FSD1L: variants seen among roughly 807,000 people sequenced by gnomAD.
The protein encoded by FSD1L is fibronectin type III and SPRY domain containing 1 like, also known as FSD1-like protein.
Under a neutral mutation model 71.6 loss-of-function variants are expected in FSD1L, and 45 were observed. The observed-to-expected ratio is 0.63, with a 90% confidence interval of 0.49 to 0.81. The LOEUF is 0.81. Among genes scored for constraint, FSD1L ranks in the 30% least tolerant of loss-of-function variants. The pLI is 0.00. For synonymous variants in FSD1L, 197 were observed against 207.2 expected, an observed-to-expected ratio of 0.95 and a Z score of 0.42; for missense variants, 561 against 618.1, an observed-to-expected ratio of 0.91 and a Z score of 0.98.
chr9:105,522,799 G>A (rs1224604428), intron 10 of FSD1L: 1 of 1,613,538 alleles, frequency 6.2e-7, no homozygotes, highest in South Asian at 1.1e-5. Flanking sequence ...TGACTTCGAA[G>A]TGGTAATGCC....
intron 10 of FSD1L, among the ~76,000 whole-genome samples, chr9:105,518,829 GATA>G: frequency 6.6e-6 from 1 of 151,992 alleles, no homozygotes. Flanking sequence ...AACTGAAGGA[GATA>G]GAGACACTAA....
intron 7 of FSD1L, among the ~76,000 whole-genome samples, chr9:105,493,339 T>G (rs1318206379): frequency 1.3e-5 from 2 of 152,126 alleles, no homozygotes; most frequent in Non-Finnish European, 2.9e-5. Flanking sequence ...CTTTTTTAGT[T>G]TTCCATTTGC....
In FSD1L at chr9:105,547,952, A is replaced by C. The variant is rs534292377; in HGVS notation, c.*1469A>C. 1 of 152,198 alleles carries C rather than the reference A, an allele frequency of 6.6e-6. No homozygotes were observed. Among genetic ancestry groups the C allele is most frequent in the African/African-American group, 2.4e-5 (1 of 41,556 alleles). The allele number at this position is 152,198 out of a possible 1,614,324, so 9.4% of individuals were successfully genotyped here. ...CCTACATTTGCGTTGCTTTCTACAT[A>C]GAGACTTGTATAATAGTATTAATAG... On this transcript the variant is annotated 3_prime_UTR_variant, in exon 14 of 14. Transcript: ENST00000481272.
intron 7 of FSD1L, among the ~76,000 whole-genome samples, chr9:105,504,679 A>G (rs538021771): frequency 3.9e-5 from 6 of 152,350 alleles, no homozygotes; most frequent in African/African-American, 1.2e-4. Context: ...CATGTAACCT[A>G]TGCACATCCT....
upstream of FSD1L, among the ~76,000 whole-genome samples, chr9:105,447,490 G>A (rs1397420180): frequency 1.3e-5 from 2 of 152,026 alleles, no homozygotes; most frequent in Non-Finnish European, 2.9e-5. Context: ...AAATCATACA[G>A]GTAGCGAGGT....
At chr9:105,454,580 C>T (rs562443176) in intron 1 of FSD1L, among the ~76,000 whole-genome samples, 21 of 152,174 alleles carry the variant, frequency 1.4e-4, no homozygotes, top group Non-Finnish European at 2.6e-4. Flanking sequence ...ACTCCAATGC[C>T]ACCTTCTTTC....
intron 10 of FSD1L, chr9:105,525,041 A>G (rs986658433): frequency 1.4e-5 from 22 of 1,583,100 alleles, no homozygotes; most frequent in Non-Finnish European, 1.9e-5. Context: ...AAATGTCAGA[A>G]TCATAGTACG....
At chr9:105,518,630 T>C (rs546020905) in intron 10 of FSD1L, among the ~76,000 whole-genome samples, 1,732 of 152,090 alleles carry the variant, frequency 0.011, 49 homozygotes, top group African/African-American at 0.04. Context: ...AAAGACACAA[T>C]GTACTAGAAT....
At chr9:105,465,532 G>A (rs1831001214) in intron 3 of FSD1L, among the ~76,000 whole-genome samples, 1 of 152,158 alleles carries the variant, frequency 6.6e-6, no homozygotes, top group Non-Finnish European at 1.5e-5. Context: ...ACTGAATTCA[G>A]TAGCACATTA....
upstream of FSD1L, chr9:105,447,960 C>G: frequency 2.6e-5 from 14 of 535,938 alleles, no homozygotes; most frequent in South Asian, 3.2e-4. Flanking sequence ...CCCTCCACGG[C>G]TACTTCCCGG....
chr9:105,547,656 C>G lies in FSD1L; in HGVS notation c.*1173C>G, dbSNP rs943756296. The G allele has an allele frequency of 3.9e-5, 6 of 152,058 alleles. No individual in the cohort carries two copies. The highest frequency in any genetic ancestry group is 1.4e-4 in the African/African-American group (6 of 41,440). The allele number at this position is 152,058 out of a possible 1,614,324, so 9.4% of individuals were successfully genotyped here. Reference sequence around the variant, plus strand: ...AAATGTTAATTATTACAAAAATTGACATAGATATCTTTCCCAAACTTGGGG... The same window carrying G: ...AAATGTTAATTATTACAAAAATTGAGATAGATATCTTTCCCAAACTTGGGG... On this transcript the variant is annotated 3_prime_UTR_variant, in exon 14 of 14. Transcript: ENST00000481272.
At chr9:105,446,251 C>T (rs1158985992), upstream of FSD1L, among the ~76,000 whole-genome samples, 2 of 152,220 alleles carry the variant, frequency 1.3e-5, no homozygotes, top group Non-Finnish European at 2.9e-5. Context: ...AATGTTCTTC[C>T]CTAGATCCTT....
At chr9:105,477,434 G>A (rs1831877495) in intron 5 of FSD1L, among the ~76,000 whole-genome samples, 1 of 152,226 alleles carries the variant, frequency 6.6e-6, no homozygotes, top group African/African-American at 2.4e-5. Context: ...GGCAGGGGGA[G>A]CCTCTTTCAG....
chr9:105,450,609 C>T (rs1829932977), intron 1 of FSD1L, among the ~76,000 whole-genome samples: 1 of 150,376 alleles, frequency 6.6e-6, no homozygotes, highest in African/African-American at 2.5e-5. Flanking sequence ...TCTTGGCTTA[C>T]TGCAACCTCC....
intron 13 of FSD1L, among the ~76,000 whole-genome samples, chr9:105,541,790 G>A (rs1056732793): frequency 3.9e-5 from 6 of 152,046 alleles, no homozygotes; most frequent in Non-Finnish European, 7.4e-5. Flanking sequence ...TTTTATAGTG[G>A]ACCGTTCCAC....
rs561333418 is a variant in FSD1L at position 105,465,653 on chromosome 9, A to G, written c.207+1322A>G. 1.4e-4 allele frequency among the ~76,000 whole-genome samples: 22 copies of G among 152,320 alleles called. No homozygotes were observed. The South Asian group carries it at 4.3e-3, about 30-fold the overall frequency. ...ATTAACAAAACTAAAGACAAAAAAA[A>G]GTGTATGGTTATCTTAGTAGATGCA... On this transcript the variant is annotated intron_variant, in intron 3 of 13. Coordinates refer to ENST00000481272, the MANE Select transcript of FSD1L (RefSeq NM_001145313.3).
At chr9:105,514,141 C>T (rs538713899) in intron 10 of FSD1L, among the ~76,000 whole-genome samples, 3 of 152,174 alleles carry the variant, frequency 2.0e-5, no homozygotes, top group Admixed American at 1.3e-4. Flanking sequence ...TAATAATGTG[C>T]TTATTTGAAG....
intron 10 of FSD1L, among the ~76,000 whole-genome samples, chr9:105,533,416 C>CATTTTTTTTTTTT (rs1836032620): frequency 3.4e-5 from 1 of 29,070 alleles, no homozygotes; most frequent in Admixed American, 6.6e-4. Context: ...CCATTTCCAT[C>CATTTTTTTTTTTT]TTTTTTTTTT....
intron 1 of FSD1L, among the ~76,000 whole-genome samples, chr9:105,451,351 T>C (rs751726602): frequency 3.9e-5 from 6 of 152,216 alleles, no homozygotes; most frequent in Non-Finnish European, 7.3e-5. Flanking sequence ...TACATTCTAA[T>C]AGAAAGAGGT....
Sources: gnomAD v4.1 joint callset for allele counts (sites outside exome capture counted in the v4.1 genomes callset) on GRCh38, gnomAD v4.1.1 for gene constraint, MANE v1.5 for transcripts, NCBI Gene and HGNC (gene_info 2026-07-23, HGNC 2026-07-21) for gene names.